The following MRC2 variants were observed in gnomAD, a reference collection of about 807,000 sequenced individuals.
The protein encoded by MRC2 is C-type mannose receptor 2.
Under a neutral mutation model 206.2 loss-of-function variants are expected in MRC2, and 84 were observed. That is an observed-to-expected ratio of 0.41 (90% CI 0.34 to 0.49). The LOEUF (loss-of-function observed/expected upper bound fraction) is 0.49, where lower values mean the gene tolerates loss of function less well. MRC2 is among the 20% of genes least tolerant of loss of function. MRC2 has a pLI of 0.31. For synonymous variants in MRC2, 798 were observed against 800.0 expected (o/e 1.00, Z 0.04); for missense variants, 1,676 against 2,001.5 (o/e 0.84, Z 3.10).
At position 62,686,550 on chromosome 17, in the gene MRC2, C is replaced by T. The variant is rs140766130; in HGVS notation, c.2947-1739C>T. Reference sequence around the variant, plus strand: ...CTCAGGCTGTAATGCCCCTTCGCCCCGCTGCTCACCTCCTAAGAGGCCGGG... The same window carrying T: ...CTCAGGCTGTAATGCCCCTTCGCCCTGCTGCTCACCTCCTAAGAGGCCGGG... On this transcript the variant is annotated intron_variant, in intron 20 of 29. Transcript: ENST00000303375. Among the ~76,000 whole-genome samples, 714 of 152,286 alleles carry T rather than the reference C, an allele frequency of 4.7e-3. 4 individuals are homozygous for T. The highest frequency in any genetic ancestry group is 8.1e-3 in the Non-Finnish European group (553 of 68,022).
At chr17:62,635,889 G>T (rs1399454145) in intron 1 of MRC2, among the ~76,000 whole-genome samples, 1 of 151,638 alleles carries the variant, frequency 6.6e-6, no homozygotes, top group East Asian at 2.0e-4. Context: ...CCCGGTTCAC[G>T]CAATTCTCCT....
chr17:62,665,127 C>CGGT (rs1358023851), intron 2 of MRC2, among the ~76,000 whole-genome samples, 178 bp downstream of exon 2: 1 of 152,126 alleles, frequency 6.6e-6, no homozygotes, highest in Non-Finnish European at 1.5e-5. Flanking sequence ...AGGCCAGGTG[C>CGGT]GGTGGCTCAC....
intron 1 of MRC2, among the ~76,000 whole-genome samples, chr17:62,657,375 A>G (rs1369458826): frequency 6.6e-6 from 1 of 152,236 alleles, no homozygotes; most frequent in Non-Finnish European, 1.5e-5. Context: ...TGAATGAATC[A>G]CACCCAGCCA....
At chr17:62,690,474 T>C (rs1226334912) in intron 26 of MRC2, among the ~76,000 whole-genome samples, 168 bp from the exon 27 acceptor site, 1 of 151,448 alleles carries the variant, frequency 6.6e-6, no homozygotes, top group Non-Finnish European at 1.5e-5. Flanking sequence ...TATATGTGCA[T>C]ATGCTGCCCC....
At chr17:62,663,229 A>C (rs1019548544) in intron 1 of MRC2, among the ~76,000 whole-genome samples, 1 of 112,290 alleles carries the variant, frequency 8.9e-6, no homozygotes, top group African/African-American at 3.5e-5. Context: ...CCTCCTTCCT[A>C]CCATCCATCC....
At chr17:62,641,971 C>T (rs1005282955) in intron 1 of MRC2, among the ~76,000 whole-genome samples, 2 of 152,226 alleles carry the variant, frequency 1.3e-5, no homozygotes, top group African/African-American at 4.8e-5. Flanking sequence ...TGACATTTCA[C>T]ACCTAAATAC....
rs2088837682 is a variant in MRC2 at position 62,672,437 on chromosome 17, A to G, written c.1461+285A>G. On this transcript the variant is annotated intron_variant, in intron 8 of 29. Transcript: ENST00000303375. The surrounding 1 kb of genome is among the most constrained non-coding windows in gnomAD (Gnocchi z 4.5). ...TTAATTCTCGTGAAACCTTAGGCAC[A>G]GTGCCTGGCGCATTCTTGGTCTCCT... 6.6e-6 allele frequency among the ~76,000 whole-genome samples: 1 copy of G among 152,150 alleles called. No homozygotes were observed. Among genetic ancestry groups the G allele is most frequent in the Non-Finnish European group, 1.5e-5 (1 of 68,038 alleles).
At chr17:62,659,397 G>A (rs2088654981) in intron 1 of MRC2, among the ~76,000 whole-genome samples, 1 of 152,142 alleles carries the variant, frequency 6.6e-6, no homozygotes, top group African/African-American at 2.4e-5. Context: ...AAAATTAGCT[G>A]AGCATGGTGA....
intron 1 of MRC2, among the ~76,000 whole-genome samples, chr17:62,634,401 A>C (rs2088286212): frequency 1.3e-5 from 2 of 152,062 alleles, no homozygotes; most frequent in Admixed American, 6.6e-5. Context: ...CCCAGGTTCA[A>C]GCAATTCTCC....
intron 1 of MRC2, among the ~76,000 whole-genome samples, chr17:62,628,828 G>T (rs1382673612): frequency 1.3e-5 from 2 of 152,096 alleles, no homozygotes; most frequent in Non-Finnish European, 2.9e-5. Context: ...TGGGGGTGGG[G>T]GTGTCTGGAG....
intron 6 of MRC2, among the ~76,000 whole-genome samples, chr17:62,669,563 TC>T (rs1232242479): frequency 6.6e-6 from 1 of 151,832 alleles, no homozygotes; most frequent in African/African-American, 2.4e-5. Flanking sequence ...AGAGTCTCGC[TC>T]TGTCGCCCAG....
chr17:62,628,029 G>A (rs1568044005), intron 1 of MRC2, 109 bp downstream of exon 1: 1 of 635,008 alleles, frequency 1.6e-6, no homozygotes, highest in Non-Finnish European at 2.4e-6. Context: ...CTCCAGAAGC[G>A]TGTGTGCGTG....
chr17:62,643,533 A>C (rs916755227), intron 1 of MRC2, among the ~76,000 whole-genome samples: 22 of 152,186 alleles, frequency 1.4e-4, no homozygotes, highest in African/African-American at 5.1e-4. Context: ...CAACTAGCTC[A>C]TATAAAACTA....
Position 62,659,430 on chromosome 17 carries a change from C to G in MRC2, c.119-5118C>G, listed in dbSNP as rs2088655305. 1.3e-5 allele frequency among the ~76,000 whole-genome samples: 2 copies of G among 152,008 alleles called. 1 individual carries two copies. Among genetic ancestry groups the G allele is most frequent in the African/African-American group, 4.8e-5 (2 of 41,372 alleles). The stretch of plus-strand genomic sequence containing the variant: ...TGACGCAGGCCTGTAGTTCCAGCTA[C>G]TTGGGAGGCTGCTGAGGCAGAAGAA... On this transcript the variant is annotated intron_variant, in intron 1 of 29. Transcript: ENST00000303375.
chr17:62,677,202 G>A (rs1480291786), intron 11 of MRC2, 67 bp from the exon 12 acceptor site: 18 of 1,353,460 alleles, frequency 1.3e-5, no homozygotes, highest in East Asian at 5.1e-5. Context: ...GTGCCCTGCC[G>A]GGATGTGAGG....
intron 20 of MRC2, among the ~76,000 whole-genome samples, chr17:62,684,965 AC>A (rs1361352845): frequency 6.6e-6 from 1 of 152,070 alleles, no homozygotes; most frequent in African/African-American, 2.4e-5. Context: ...ACATCGCAAA[AC>A]CCTGTCTCTA....
chr17:62,681,205 T>C, intron 18 of MRC2, 76 bp downstream of exon 18: 2 of 1,528,598 alleles, frequency 1.3e-6, no homozygotes, highest in Non-Finnish European at 1.8e-6. Context: ...AGACTTGCAT[T>C]TGAATCCAGC....
In MRC2 at chr17:62,639,162, C is replaced by T. The variant is rs190897297; in HGVS notation, c.118+11242C>T. ...ACCATCCTGGCCAACATGGTGAAAC[C>T]CCATCTCTACCAAAAATACAAAAAG... is the stretch of plus-strand genomic sequence containing the variant. On this transcript the variant is annotated intron_variant, in intron 1 of 29. Transcript: ENST00000303375. Among the ~76,000 whole-genome samples the T allele has an allele frequency of 8.6e-4, 131 of 152,056 alleles. 1 individual carries two copies. Among genetic ancestry groups the T allele is most frequent in the African/African-American group, 3.1e-3 (127 of 41,456 alleles).
rs1037508563 is a variant in MRC2, at chr17:62,680,633, G to C, written c.2474-167G>C. ...CTGTTTGCTTCCGTGTGGGAGGCGA[G>C]GCAAGCCTGGGGCCTGGGGCCTGGC... On this transcript the variant is annotated intron_variant, in intron 16 of 29. Transcript: ENST00000303375. The surrounding 1 kb of genome is among the most constrained non-coding windows in gnomAD (Gnocchi z 4.8). 4.0e-6 allele frequency: 5 copies of C among 1,260,482 alleles called. No individual in the cohort carries two copies. Among genetic ancestry groups the C allele is most frequent in the Non-Finnish European group, 5.4e-6 (5 of 933,662 alleles). The allele number at this position is 1,260,482 out of a possible 1,614,324, so 78.1% of individuals were successfully genotyped here.
Sources: allele counts gnomAD v4.1 joint callset (sites outside exome capture counted in the v4.1 genomes callset), GRCh38; gene constraint gnomAD v4.1.1; non-coding constraint Gnocchi (gnomAD v3.1); transcripts MANE v1.5; gene names NCBI Gene and HGNC (gene_info 2026-07-23, HGNC 2026-07-21).